The following IFITM10 variants were observed in gnomAD, a reference collection of about 807,000 sequenced individuals.
The protein encoded by IFITM10 is interferon induced transmembrane protein 10.
In IFITM10, 17 loss-of-function variants were observed where a neutral mutation model predicts 19.0. That is an observed-to-expected ratio of 0.90 (90% CI 0.61 to 1.34). The LOEUF (loss-of-function observed/expected upper bound fraction) is 1.34. Among genes scored for constraint, IFITM10 ranks in the 40% most tolerant of loss-of-function variants. The probability of loss-of-function intolerance (pLI) is 0.00; values close to 1 mark genes in which losing one functional copy is unlikely to be tolerated. For synonymous variants in IFITM10, 148 were observed against 147.2 expected, an observed-to-expected ratio of 1.01 and a Z score of -0.04; for missense variants, 306 against 319.8, an observed-to-expected ratio of 0.96 and a Z score of 0.33.
At chr11:1,741,400 G>A (rs1565012482) in intron 2 of IFITM10, among the ~76,000 whole-genome samples, 1 of 151,958 alleles carries the variant, frequency 6.6e-6, no homozygotes. Flanking sequence ...AGGCAGCCAT[G>A]TGGGGGCAGG....
intron 2 of IFITM10, 106 bp from the exon 3 acceptor site, chr11:1,735,535 A>G (rs1025108660): frequency 4.0e-6 from 4 of 1,004,320 alleles, no homozygotes; most frequent in African/African-American, 1.7e-5. Context: ...GCACAGTACC[A>G]GTGCTTTGTT....
chr11:1,737,527 T>A (rs1851099932), intron 2 of IFITM10, among the ~76,000 whole-genome samples: 1 of 152,200 alleles, frequency 6.6e-6, no homozygotes, highest in Non-Finnish European at 1.5e-5. Flanking sequence ...ATCTGTAACA[T>A]GAAGATGACG....
intron 1 of IFITM10, 29 bp downstream of exon 1, chr11:1,750,330 G>A: frequency 1.9e-6 from 3 of 1,550,210 alleles, no homozygotes; most frequent in Non-Finnish European, 2.6e-6. Context: ...CACCACGCAG[G>A]TTCCCTGAGC....
At chr11:1,747,549 C>A in intron 2 of IFITM10, 118 bp downstream of exon 2, 1 of 872,806 alleles carries the variant, frequency 1.1e-6, no homozygotes, top group Non-Finnish European at 1.8e-6. Context: ...TCAACTGCAC[C>A]TGTTCTACCC....
chr11:1,747,930 C>G lies in IFITM10; in HGVS notation c.274G>C (p.Glu92Gln). ...GCCATCGGGGGAGAGGCCGAGGGCT[C>G]AGGGGCAGGGGCCGCCGGAGCCTGC... ...ALQAPAAPAP[E>Q]PSASPPMAPT... The change falls in exon 2 of 3, where the codon GAG becomes CAG. Residue 92 changes from glutamate (E) to glutamine (Q), a missense_variant. Glu to Gln is a conservative substitution (Grantham distance 29). Coordinates refer to ENST00000340134, the MANE Select transcript of IFITM10 (RefSeq NM_001170820.4). 1 of 1,478,052 alleles carries G rather than the reference C, an allele frequency of 6.8e-7. No homozygotes were observed. The highest frequency in any genetic ancestry group is 2.4e-5 in the Admixed American group (1 of 41,874). The allele number at this position is 1,478,052 out of a possible 1,614,324, so 91.6% of individuals were successfully genotyped here.
At chr11:1,748,991 G>C in intron 1 of IFITM10, 1 of 1,009,418 alleles carries the variant, frequency 9.9e-7, no homozygotes, top group Non-Finnish European at 1.2e-6. Flanking sequence ...GTCTGCCGCA[G>C]CCCCCCGGAC....
chr11:1,742,492 G>A (rs993256835), intron 2 of IFITM10, among the ~76,000 whole-genome samples: 4 of 152,164 alleles, frequency 2.6e-5, no homozygotes, highest in African/African-American at 9.7e-5. Context: ...GCTGAGGCAC[G>A]CTGAGTATGA....
chr11:1,735,625 C>A (rs1196627067), intron 2 of IFITM10, among the ~76,000 whole-genome samples, 196 bp from the exon 3 acceptor site: 1 of 152,130 alleles, frequency 6.6e-6, no homozygotes, highest in Non-Finnish European at 1.5e-5. Flanking sequence ...GAACTTGGGG[C>A]ACGGGGGCGT....
chr11:1,733,615 T>TC lies in IFITM10; in HGVS notation c.*1664dup, dbSNP rs2133637610. 6.6e-6 allele frequency: 1 copy of TC among 152,346 alleles called. No individual in the cohort carries two copies. The highest frequency in any genetic ancestry group is 2.0e-4 in the East Asian group (1 of 5,102). 9.4% of individuals were successfully genotyped at this position (152,346 alleles called of 1,614,324 possible). On this transcript the variant is annotated 3_prime_UTR_variant, in exon 3 of 3. Coordinates refer to ENST00000340134, the MANE Select transcript of IFITM10 (RefSeq NM_001170820.4). The surrounding 1 kb of genome is among the most constrained non-coding windows in gnomAD (Gnocchi z 6.3). ...GTCCTCCCTTCTGAGGCACCCCACG[T>TC]CTCCAGCCCAGAAGGCTCTTCCCTT...
At chr11:1,744,532 T>C (rs1845614397) in intron 2 of IFITM10, 1 of 152,806 alleles carries the variant, frequency 6.5e-6, no homozygotes, top group Non-Finnish European at 1.5e-5. Context: ...AATGGAGAAT[T>C]GACTTTTTGT....
intron 2 of IFITM10, 44 bp from the exon 3 acceptor site, chr11:1,735,473 G>A (rs1001768951): frequency 6.5e-7 from 1 of 1,538,710 alleles, no homozygotes. Context: ...CAGCCAGGGA[G>A]CAGGGCCTTG....
At chr11:1,736,999 G>T (rs7951148) in intron 2 of IFITM10, among the ~76,000 whole-genome samples, 1 of 151,824 alleles carries the variant, frequency 6.6e-6, no homozygotes, top group Non-Finnish European at 1.5e-5. Flanking sequence ...GAGGATTCAG[G>T]GTAAGGAAGG....
At position 1,747,665 on chromosome 11, in the gene IFITM10, A is replaced by C; in HGVS notation, c.537+2T>G. On this transcript the variant is annotated splice_donor_variant, in intron 2 of 2. Coordinates refer to ENST00000340134, the MANE Select transcript of IFITM10 (RefSeq NM_001170820.4). LOFTEE classifies it high-confidence loss of function. The stretch of plus-strand genomic sequence containing the variant: ...TTGCCCCCTGCCACCGCCCGGGCTC[A>C]CTTTGAGGGAGTAGGCCAAGGCGAT... 1 of 1,551,614 alleles carries C rather than the reference A, an allele frequency of 6.4e-7. No individual in the cohort carries two copies.
chr11:1,736,336 C>G (rs3740623), intron 2 of IFITM10, among the ~76,000 whole-genome samples: 50,500 of 151,792 alleles, frequency 0.33, 10,015 homozygotes, highest in African/African-American at 0.56. Flanking sequence ...GGTCGGAAGA[C>G]TGGATGGACA....
At chr11:1,743,966 C>T (rs537671100) in intron 2 of IFITM10, among the ~76,000 whole-genome samples, 1 of 152,326 alleles carries the variant, frequency 6.6e-6, no homozygotes, top group Non-Finnish European at 1.5e-5. Context: ...GAATGTCTTC[C>T]ATCTCCCATT....
At chr11:1,746,992 C>T (rs901273909) in intron 2 of IFITM10, among the ~76,000 whole-genome samples, 1 of 152,154 alleles carries the variant, frequency 6.6e-6, no homozygotes, top group Non-Finnish European at 1.5e-5. Flanking sequence ...CCCACCATCT[C>T]AGTCCCTGCT....
At chr11:1,738,887 C>T (rs182561440) in intron 2 of IFITM10, among the ~76,000 whole-genome samples, 1,730 of 151,696 alleles carry the variant, frequency 0.011, 35 homozygotes, top group African/African-American at 0.039. Flanking sequence ...GGTGAAACCC[C>T]GTCTCTACTA....
At chr11:1,739,053 CAAAAAAAAAAAAAAAA>C (rs71025777) in intron 2 of IFITM10, among the ~76,000 whole-genome samples, 3 of 42,108 alleles carry the variant, frequency 7.1e-5, no homozygotes, top group African/African-American at 1.2e-4. Flanking sequence ...GACTCCGTCT[CAAAAAAAAAAAAAAAA>C]AAAAAAAAAA....
Position 1,747,966 on chromosome 11 carries a change from G to T in IFITM10, c.238C>A (p.Pro80Thr), listed in dbSNP as rs1022418411. Reference sequence around the variant, plus strand: ...GCCGCCGGAGCCTGCAGGGCAGGGGGCTTGGACACGCAAGCGAAGCAGCCC... The same window carrying T: ...GCCGCCGGAGCCTGCAGGGCAGGGGTCTTGGACACGCAAGCGAAGCAGCCC... The part of the protein sequence containing the change: ...PKGCFACVSK[P>T]PALQAPAAPA... The change falls in exon 2 of 3, where the codon CCC becomes ACC. Residue 80 changes from proline to threonine, a missense_variant. By Grantham distance (38) the Pro-to-Thr change is conservative. Transcript: ENST00000340134. 2 of 1,458,970 alleles carry T rather than the reference G, an allele frequency of 1.4e-6. No individual in the cohort carries two copies. Among genetic ancestry groups the T allele is most frequent in the African/African-American group, 1.4e-5 (1 of 69,888 alleles). 90.4% of individuals were successfully genotyped at this position (1,458,970 alleles called of 1,614,324 possible). A position where few individuals can be genotyped will look rare whatever the true frequency, so the allele number is the denominator to read the frequency against.
Sources: gnomAD v4.1 joint callset for allele counts (sites outside exome capture counted in the v4.1 genomes callset) on GRCh38, gnomAD v4.1.1 for gene constraint, Gnocchi (gnomAD v3.1) non-coding constraint, MANE v1.5 for transcripts, NCBI Gene and HGNC (gene_info 2026-07-23, HGNC 2026-07-21) for gene names.